Variants in PNPLA7 observed in about 807,000 individuals in gnomAD.
PNPLA7 encodes the protein patatin like domain 7, lysophospholipase, also known as patatin-like phospholipase domain-containing protein 7.
Under a neutral mutation model 161.7 loss-of-function variants are expected in PNPLA7, and 153 were observed. The observed-to-expected ratio is 0.95, with a 90% CI of 0.83 to 1.08. The LOEUF (loss-of-function observed/expected upper bound fraction) is 1.08. Ranked by LOEUF, PNPLA7 falls within the 50% of genes least tolerant of loss-of-function variation. The pLI, the probability that PNPLA7 is intolerant of heterozygous loss-of-function variation, is 0.00. For synonymous variants in PNPLA7, 809 were observed against 782.1 expected (o/e 1.03, Z -0.57); for missense variants, 1,739 against 1,856.6 (o/e 0.94, Z 1.16).
intron 12 of PNPLA7, among the ~76,000 whole-genome samples, chr9:137,507,223 C>A (rs959939665): frequency 3.3e-5 from 5 of 152,222 alleles, no homozygotes; most frequent in Non-Finnish European, 5.9e-5. Context: ...TAAAAAAATC[C>A]GAACTGGAAA....
rs139170006 is a variant in PNPLA7 at position 137,463,239 on chromosome 9, G to A, written c.3343+176C>T. 5.6e-4 allele frequency: 356 copies of A among 632,116 alleles called. No homozygotes were observed. The African/African-American group carries it at 5.9e-3, about 11-fold the overall frequency. 39.2% of individuals were successfully genotyped at this position (632,116 alleles called of 1,614,324 possible). A position where few individuals can be genotyped will look rare whatever the true frequency, so the allele number is the denominator to read the frequency against. ...CCGGTGCCTGCGTGTGCATGTACAC[G>A]CGTGTGCATGTTCTCGGAGCTCTGA... On this transcript the variant is annotated intron_variant, in intron 29 of 34. Coordinates refer to ENST00000406427, the MANE Select transcript of PNPLA7 (RefSeq NM_001098537.3).
At chr9:137,518,952 T>A (rs796813456) in intron 11 of PNPLA7, among the ~76,000 whole-genome samples, 2,044 of 108,164 alleles carry the variant, frequency 0.019, 55 homozygotes, top group Non-Finnish European at 0.027. Context: ...CACTCCATCC[T>A]CACTCACTCA....
intron 11 of PNPLA7, among the ~76,000 whole-genome samples, chr9:137,518,615 C>T (rs372763305): frequency 2.3e-4 from 16 of 68,368 alleles, no homozygotes; most frequent in African/African-American, 4.6e-4. Flanking sequence ...ACTCCATCCC[C>T]CACTCACTCA....
Position 137,467,889 on chromosome 9 carries a change from C to A in PNPLA7, c.2883-416G>T, listed in dbSNP as rs1326724499. Among the ~76,000 whole-genome samples the A allele has an allele frequency of 5.3e-5, 8 of 152,144 alleles. No homozygotes were observed. ...CTCCAGCCTGGGAGACAGAGTGAGA[C>A]TCTGACTCAAAATAAATAAATAAAT... On this transcript the variant is annotated intron_variant, in intron 25 of 34. Coordinates refer to ENST00000406427, the MANE Select transcript of PNPLA7 (RefSeq NM_001098537.3). This position sits in a 1 kb window ranked among gnomAD's most constrained non-coding sequence, Gnocchi z 5.1.
Position 137,490,047 on chromosome 9 carries a change from A to T in PNPLA7, c.2197+2966T>A, listed in dbSNP as rs1158943231. Among the ~76,000 whole-genome samples the T allele has an allele frequency of 3.3e-5, 5 of 152,246 alleles. No homozygotes were observed. Among genetic ancestry groups the T allele is most frequent in the Admixed American group, 6.5e-5 (1 of 15,286 alleles). Reference sequence around the variant, plus strand: ...ACAGATCCAAAGTATTCATGCTCAGACACTTCCAAATCACATTTCTGAAAA... The same window carrying T: ...ACAGATCCAAAGTATTCATGCTCAGTCACTTCCAAATCACATTTCTGAAAA... On this transcript the variant is annotated intron_variant, in intron 20 of 34. Transcript: ENST00000406427. This position sits in a 1 kb window ranked among gnomAD's most constrained non-coding sequence, Gnocchi z 4.1.
chr9:137,460,562 G>A (rs1187160321), intron 34 of PNPLA7, 72 bp downstream of exon 34: 4 of 1,594,618 alleles, frequency 2.5e-6, no homozygotes, highest in South Asian at 1.1e-5. Flanking sequence ...CACAGGGAGG[G>A]AGTGGCCGGC....
Position 137,464,375 on chromosome 9 carries a change from T to C in PNPLA7, c.3121A>G (p.Ser1041Gly). Residue 1041 changes from serine (S) to glycine (G), a missense_variant, in exon 27 of 35, where the codon AGC (serine) becomes GGC (glycine). Ser to Gly is a moderately conservative substitution (Grantham distance 56). Around this residue, in one of 6 missense-constraint regions of PNPLA7, gnomAD observed 703 missense variants for 694.6 expected, o/e 1.01. Coordinates refer to ENST00000406427, the MANE Select transcript of PNPLA7 (RefSeq NM_001098537.3). ...TGGTCCTTGAAGACGCTGAAGATGC[T>C]GCTGTTGAAGCCGGCTCCGGAGAAC... ...SMFSGAGFNS[S>G]IFSVFKDQQI... The C allele has an allele frequency of 6.2e-7, 1 of 1,613,948 alleles. No homozygotes were observed. Among genetic ancestry groups the C allele is most frequent in the Non-Finnish European group, 8.5e-7 (1 of 1,180,006 alleles).
chr9:137,522,293 C>G (rs969210060), intron 9 of PNPLA7, among the ~76,000 whole-genome samples: 1 of 149,980 alleles, frequency 6.7e-6, no homozygotes, highest in Admixed American at 6.6e-5. Flanking sequence ...CCAGGATGGT[C>G]TCGATCTCCT....
At position 137,460,274 on chromosome 9, in the gene PNPLA7, C is replaced by A; in HGVS notation, c.*119G>T. 9.6e-7 allele frequency: 1 copy of A among 1,045,840 alleles called. No homozygotes were observed. The highest frequency in any genetic ancestry group is 1.4e-6 in the Non-Finnish European group (1 of 727,698). 64.8% of individuals were successfully genotyped at this position (1,045,840 alleles called of 1,614,324 possible). Reference sequence around the variant, plus strand: ...GAGAACCCTAACACAGCCTGGGGCCCCGGGGAAGTCAGGGCTTCCAGCAGG... The same window carrying A: ...GAGAACCCTAACACAGCCTGGGGCCACGGGGAAGTCAGGGCTTCCAGCAGG... On this transcript the variant is annotated 3_prime_UTR_variant, in exon 35 of 35. Coordinates refer to ENST00000406427, the MANE Select transcript of PNPLA7 (RefSeq NM_001098537.3).
At chr9:137,505,187 CAA>C (rs1030910942) in intron 14 of PNPLA7, among the ~76,000 whole-genome samples, 5 of 57,036 alleles carry the variant, frequency 8.8e-5, no homozygotes, top group East Asian at 5.3e-4. Context: ...GACTCTGTCT[CAA>C]AAAAAAAAAA....
rs768866692 is a variant in PNPLA7, at chr9:137,501,777, G to A, written c.1474-50C>T. On this transcript the variant is annotated intron_variant, in intron 14 of 34. Transcript: ENST00000406427. The stretch of plus-strand genomic sequence containing the variant: ...AACACGGGCGGGAAGCATAAATGAA[G>A]GTCCAGAGAACAGAGGCTGCACTGG... 15 of 1,576,650 alleles carry A rather than the reference G, an allele frequency of 9.5e-6. No homozygotes were observed. In the African/African-American group the frequency reaches 2.0e-4, roughly 21 times the overall value.
intron 12 of PNPLA7, among the ~76,000 whole-genome samples, chr9:137,511,858 C>T (rs1389367668): frequency 2.6e-5 from 4 of 152,178 alleles, no homozygotes; most frequent in South Asian, 2.1e-4. Context: ...GAAATGCTAA[C>T]GTCTGCTGTC....
intron 23 of PNPLA7, chr9:137,479,694 G>T: frequency 1.0e-6 from 1 of 985,292 alleles, no homozygotes; most frequent in Non-Finnish European, 1.2e-6. Flanking sequence ...CAAACTGAAG[G>T]CAGGAAGCTG....
At position 137,524,407 on chromosome 9, in the gene PNPLA7, T is replaced by C. The variant is rs562060894; in HGVS notation, c.748-1550A>G. ...TGGCTCCTGAGTGCTGGCTGCCTCATGGAGGCCTTGCAGTGTCTCCTCGTG... is the reference window on the plus strand; with the variant it reads ...TGGCTCCTGAGTGCTGGCTGCCTCACGGAGGCCTTGCAGTGTCTCCTCGTG... On this transcript the variant is annotated intron_variant, in intron 8 of 34. Coordinates refer to ENST00000406427, the MANE Select transcript of PNPLA7 (RefSeq NM_001098537.3). This position sits in a 1 kb window ranked among gnomAD's most constrained non-coding sequence, Gnocchi z 4.4. 4.2e-4 allele frequency among the ~76,000 whole-genome samples: 64 copies of C among 151,696 alleles called. No homozygotes were observed. The highest frequency in any genetic ancestry group is 1.4e-3 in the African/African-American group (58 of 41,338).
chr9:137,495,058 G>T lies in PNPLA7; in HGVS notation c.2102C>A (p.Thr701Lys), dbSNP rs771476087. ...CTGTGGGTACCTGCGCTTGATGGAC[G>T]TGAGGGCTCCTGCCGGCAGCTTGGC... Reference protein sequence around the residue: ...ELAKLPAGALTSIKRRYPQVV... With the variant: ...ELAKLPAGALKSIKRRYPQVV... Residue 701 changes from threonine to lysine, a missense_variant, in exon 19 of 35, where the codon ACG becomes AAG. Physicochemically the swap from Thr to Lys is moderately conservative, Grantham distance 78. Coordinates refer to ENST00000406427, the MANE Select transcript of PNPLA7 (RefSeq NM_001098537.3). 1.2e-6 allele frequency: 2 copies of T among 1,610,484 alleles called. No homozygotes were observed. The highest frequency in any genetic ancestry group is 1.7e-6 in the Non-Finnish European group (2 of 1,179,420).
At chr9:137,481,057 T>C (rs1399639499) in intron 21 of PNPLA7, 34 bp from the exon 22 acceptor site, 2 of 1,550,116 alleles carry the variant, frequency 1.3e-6, no homozygotes, top group Admixed American at 3.9e-5. Flanking sequence ...GGAGCCTGCC[T>C]GGGCAGCCCA....
intron 11 of PNPLA7, among the ~76,000 whole-genome samples, chr9:137,517,677 C>CCCG (rs202231130): frequency 1.1e-5 from 1 of 86,990 alleles, no homozygotes; most frequent in Non-Finnish European, 2.3e-5. Context: ...CACTCCATCC[C>CCCG]TCACTCACTC....
Position 137,462,325 on chromosome 9 carries a change from T to G in PNPLA7, c.3499A>C (p.Asn1167His). Residue 1167 changes from asparagine (N) to histidine (H), a missense_variant, in exon 31 of 35, where the codon AAC (asparagine) becomes CAC (histidine). Around this residue, in one of 6 missense-constraint regions of PNPLA7, gnomAD observed 703 missense variants for 694.6 expected, o/e 1.01. Transcript: ENST00000406427. ...AGGCGCGTCTGAATCTCTGCCATGT[T>G]CAACACCTGCTGCCGTCACAGCCGC... ...NPLATKVKVL[N>H]MAEIQTRLAY... is the part of the protein sequence containing the mutation. 1.2e-6 allele frequency: 2 copies of G among 1,600,472 alleles called. No individual in the cohort carries two copies. The highest frequency in any genetic ancestry group is 8.5e-7 in the Non-Finnish European group (1 of 1,172,824).
In PNPLA7 at chr9:137,495,787, C is replaced by A. The variant is rs73567287; in HGVS notation, c.2014-641G>T. On this transcript the variant is annotated intron_variant, in intron 18 of 34. Coordinates refer to ENST00000406427, the MANE Select transcript of PNPLA7 (RefSeq NM_001098537.3). ...AGATGTGTCCCTCAGCCTGCGGGAGCCCTGCCCTCTGGCACTGAGGCCTCC... is the reference window on the plus strand; with the variant it reads ...AGATGTGTCCCTCAGCCTGCGGGAGACCTGCCCTCTGGCACTGAGGCCTCC... 3.8e-3 allele frequency among the ~76,000 whole-genome samples: 582 copies of A among 152,280 alleles called. 5 individuals carry two copies. Among genetic ancestry groups the A allele is most frequent in the African/African-American group, 0.013 (556 of 41,568 alleles).
Sources: allele counts gnomAD v4.1 joint callset (sites outside exome capture counted in the v4.1 genomes callset), GRCh38; gene constraint gnomAD v4.1.1; regional missense constraint gnomAD v4.1.1; non-coding constraint Gnocchi (gnomAD v3.1); transcripts MANE v1.5; gene names NCBI Gene and HGNC (gene_info 2026-07-23, HGNC 2026-07-21).